The following KCNMA1 variants were observed in gnomAD, a reference collection of about 807,000 sequenced individuals.
KCNMA1 encodes Calcium-activated potassium channel subunit alpha-1.
A neutral mutation model predicts 140.0 loss-of-function variants in KCNMA1; 29 were observed. The ratio of observed to expected loss-of-function variants is 0.21; its 90% CI spans 0.15 to 0.28. KCNMA1 has a LOEUF of 0.28. KCNMA1 is among the 10% of genes least tolerant of loss of function. The probability of loss-of-function intolerance (pLI) is 1.00; values close to 1 mark genes in which losing one functional copy is unlikely to be tolerated. For missense variants in KCNMA1, 880 were observed against 1,602.2 expected (o/e 0.55, Z 7.70); for synonymous variants, 612 against 611.9 (o/e 1.00, Z 0.00).
intron 20 of KCNMA1, among the ~76,000 whole-genome samples, chr10:76,954,425 A>G (rs1276914677): frequency 6.6e-6 from 1 of 152,222 alleles, no homozygotes; most frequent in Admixed American, 6.5e-5. Context: ...CCTTCTGACT[A>G]CAACTTCTGA....
chr10:77,481,843 G>A (rs1307944437), intron 1 of KCNMA1, among the ~76,000 whole-genome samples: 2 of 31,604 alleles, frequency 6.3e-5, no homozygotes, highest in Non-Finnish European at 1.3e-4. Context: ...AATCTCATAC[G>A]TTAATCTTGT....
intron 3 of KCNMA1, among the ~76,000 whole-genome samples, chr10:77,220,170 C>G (rs931945591): frequency 6.6e-6 from 1 of 152,190 alleles, no homozygotes; most frequent in Non-Finnish European, 1.5e-5. Flanking sequence ...AATGAAGAAA[C>G]TGAGGCACAG....
intron 2 of KCNMA1, among the ~76,000 whole-genome samples, chr10:77,377,314 C>T (rs906428061): frequency 2.0e-5 from 3 of 152,136 alleles, no homozygotes; most frequent in East Asian, 1.9e-4. Flanking sequence ...CTCTTTCCCA[C>T]GCCAAGGACA....
chr10:76,917,540 C>T (rs1321102774), intron 23 of KCNMA1, among the ~76,000 whole-genome samples: 2 of 152,042 alleles, frequency 1.3e-5, no homozygotes, highest in South Asian at 2.1e-4. Flanking sequence ...TTTCATTTTG[C>T]TTTCATATTC....
intron 1 of KCNMA1, among the ~76,000 whole-genome samples, chr10:77,460,039 C>T (rs1482544257): frequency 1.3e-5 from 2 of 152,184 alleles, no homozygotes; most frequent in Admixed American, 6.5e-5. Flanking sequence ...CCTCTCACTT[C>T]GGTCCTTGTA....
At chr10:77,615,897 C>T (rs1400194191) in intron 1 of KCNMA1, among the ~76,000 whole-genome samples, 5 of 152,292 alleles carry the variant, frequency 3.3e-5, no homozygotes, top group South Asian at 4.1e-4. Context: ...AAAATAAAGG[C>T]CAACTTCATC....
chr10:77,616,755 G>A (rs1249999654), intron 1 of KCNMA1, among the ~76,000 whole-genome samples: 7 of 151,640 alleles, frequency 4.6e-5, no homozygotes, highest in African/African-American at 1.5e-4. Context: ...GCAGTGAGCC[G>A]AGACTGCACC....
chr10:77,498,125 G>A lies in KCNMA1; in HGVS notation c.379-94102C>T, dbSNP rs376938709. The stretch of plus-strand genomic sequence containing the variant: ...AATCAGTTATGCAGAAAAAGAGAAG[G>A]CAGGGAGGCCCCTTGGGCAGCTTTG... On this transcript the variant is annotated intron_variant, in intron 1 of 27. Coordinates refer to ENST00000286628, the MANE Select transcript of KCNMA1 (RefSeq NM_001161352.2). Among the ~76,000 whole-genome samples the A allele has an allele frequency of 2.3e-4, 35 of 152,316 alleles. No individual in the cohort carries two copies. The South Asian group carries it at 7.3e-3, about 32-fold the overall frequency.
rs374968692 is a variant in KCNMA1 at position 77,003,094 on chromosome 10, T to C, written c.2093-1514A>G. 2.5e-4 allele frequency among the ~76,000 whole-genome samples: 38 copies of C among 152,294 alleles called. No homozygotes were observed. In the South Asian group the frequency reaches 6.8e-3, roughly 27 times the overall value. ...CTTTATGACTTGCCATACAGTATAT[T>C]TGTCAAGCAAGGGTAACGTTATGAT... On this transcript the variant is annotated intron_variant, in intron 18 of 27. Transcript: ENST00000286628.
chr10:77,624,104 G>A (rs899150528), intron 1 of KCNMA1, among the ~76,000 whole-genome samples: 5 of 151,992 alleles, frequency 3.3e-5, no homozygotes, highest in African/African-American at 7.3e-5. Flanking sequence ...CCCTGCTTTC[G>A]GCAGCTGGAA....
At chr10:77,115,023 C>T (rs2097423506) in intron 6 of KCNMA1, among the ~76,000 whole-genome samples, 1 of 152,228 alleles carries the variant, frequency 6.6e-6, no homozygotes, top group African/African-American at 2.4e-5. Flanking sequence ...TCCCAGTGCT[C>T]ACCACATGTG....
At chr10:77,010,315 C>A (rs1802995672) in intron 18 of KCNMA1, among the ~76,000 whole-genome samples, 1 of 152,098 alleles carries the variant, frequency 6.6e-6, no homozygotes, top group Admixed American at 6.5e-5. Context: ...GTGTCCACAA[C>A]CAACTAAGCA....
At chr10:77,030,219 T>C (rs1340487978) in intron 15 of KCNMA1, among the ~76,000 whole-genome samples, 2 of 152,202 alleles carry the variant, frequency 1.3e-5, no homozygotes, top group Non-Finnish European at 2.9e-5. Flanking sequence ...TCTAATGACC[T>C]GGGCTTTGTG....
chr10:76,968,678 T>C (rs1436188631), intron 20 of KCNMA1, among the ~76,000 whole-genome samples: 2 of 152,158 alleles, frequency 1.3e-5, no homozygotes, highest in Non-Finnish European at 2.9e-5. Flanking sequence ...TTCCTCCTCA[T>C]AAACTGTAAA....
chr10:77,215,829 T>C (rs2047564148), intron 3 of KCNMA1, among the ~76,000 whole-genome samples: 1 of 152,042 alleles, frequency 6.6e-6, no homozygotes, highest in South Asian at 2.1e-4. Context: ...TTAATGTCCT[T>C]GTAAGAACAG....
intron 1 of KCNMA1, among the ~76,000 whole-genome samples, chr10:77,597,386 T>C (rs909511659): frequency 3.9e-5 from 6 of 152,130 alleles, no homozygotes; most frequent in African/African-American, 7.2e-5. Flanking sequence ...CCCCAACACA[T>C]AGAAATGATA....
At chr10:77,405,181 C>G (rs1369359141) in intron 1 of KCNMA1, among the ~76,000 whole-genome samples, 1 of 152,168 alleles carries the variant, frequency 6.6e-6, no homozygotes, top group African/African-American at 2.4e-5. Flanking sequence ...ATGGCCTGCT[C>G]CCTTAAGTCT....
At chr10:76,890,346 G>C (rs558805478) in intron 26 of KCNMA1, among the ~76,000 whole-genome samples, 1 of 152,222 alleles carries the variant, frequency 6.6e-6, no homozygotes, top group Admixed American at 6.5e-5. Flanking sequence ...GGCTTCACTG[G>C]GTATAAAATG....
chr10:76,918,001 C>T (rs2053683314), intron 23 of KCNMA1, among the ~76,000 whole-genome samples: 1 of 152,192 alleles, frequency 6.6e-6, no homozygotes, highest in African/African-American at 2.4e-5. Context: ...CCGCATTCCT[C>T]ATAGCTGCAT....
Sources: allele counts gnomAD v4.1 joint callset (sites outside exome capture counted in the v4.1 genomes callset), GRCh38; gene constraint gnomAD v4.1.1; transcripts MANE v1.5; gene names NCBI Gene and HGNC (gene_info 2026-07-23, HGNC 2026-07-21).